PITPNC1: variants seen among roughly 807,000 people sequenced by gnomAD.
PITPNC1 encodes the protein cytoplasmic phosphatidylinositol transfer protein 1.
In PITPNC1, 18 loss-of-function variants were observed where a neutral mutation model predicts 44.7. The ratio of observed to expected loss-of-function variants is 0.40; its 90% CI spans 0.28 to 0.60. The LOEUF (loss-of-function observed/expected upper bound fraction) is 0.60, where lower values mean the gene tolerates loss of function less well. PITPNC1 is among the 20% of genes least tolerant of loss of function. The pLI is 0.39. For missense variants in PITPNC1, 290 were observed against 418.4 expected, an observed-to-expected ratio of 0.69 and a Z score of 2.68; for synonymous variants, 141 against 149.6, an observed-to-expected ratio of 0.94 and a Z score of 0.42.
At chr17:67,632,487 G>A (rs2041983076) in intron 6 of PITPNC1, 1 of 538,000 alleles carries the variant, frequency 1.9e-6, no homozygotes. Context: ...CATCATTTTT[G>A]GCAACGTCAG....
chr17:67,572,844 T>C (rs1159927088), intron 4 of PITPNC1, among the ~76,000 whole-genome samples: 2 of 150,964 alleles, frequency 1.3e-5, no homozygotes, highest in South Asian at 2.1e-4. Context: ...ATCCAATGAC[T>C]TTTGTCCTTG....
Position 67,378,192 on chromosome 17 carries a change from C to G in PITPNC1, c.38C>G (p.Thr13Ser). 1 of 1,543,776 alleles carries G rather than the reference C, an allele frequency of 6.5e-7. No individual in the cohort carries two copies. Among genetic ancestry groups the G allele is most frequent in the Non-Finnish European group, 8.7e-7 (1 of 1,149,284 alleles). ...GAGTACCGGATCTGCATGCCGCTCA[C>G]CGTAGACGAGGTAAGCGCCGCGCCC... ...LKEYRICMPL[T>S]VDEYKIGQLY... is the part of the protein sequence containing the mutation. The change falls in exon 1 of 9, where the codon ACC (threonine) becomes AGC (serine). Residue 13 changes from threonine to serine, a missense_variant. Coordinates refer to ENST00000581322, the MANE Select transcript of PITPNC1 (RefSeq NM_012417.4).
intron 1 of PITPNC1, among the ~76,000 whole-genome samples, chr17:67,387,708 C>T (rs977372479): frequency 6.6e-6 from 1 of 152,136 alleles, no homozygotes; most frequent in African/African-American, 2.4e-5. Context: ...AATATTCTCG[C>T]TATTTATATC....
intron 1 of PITPNC1, among the ~76,000 whole-genome samples, chr17:67,493,698 G>A (rs2039892276): frequency 6.6e-6 from 1 of 152,224 alleles, no homozygotes; most frequent in African/African-American, 2.4e-5. Flanking sequence ...GGGGAGGAAA[G>A]TGTGGTGATG....
rs1388666717 is a variant in PITPNC1, at chr17:67,442,993, C to T, written c.48+64791C>T. 4.6e-5 allele frequency among the ~76,000 whole-genome samples: 7 copies of T among 152,026 alleles called. No homozygotes were observed. The East Asian group carries it at 9.6e-4, about 21-fold the overall frequency. On this transcript the variant is annotated intron_variant, in intron 1 of 8. Coordinates refer to ENST00000581322, the MANE Select transcript of PITPNC1 (RefSeq NM_012417.4). ...CTCTGGTCTATTACAAAAGTCCCCG[C>T]GGGCTCTGACCTACACAGCTGCCAG...
At chr17:67,664,101 C>G (rs1380217535) in intron 6 of PITPNC1, among the ~76,000 whole-genome samples, 1 of 152,116 alleles carries the variant, frequency 6.6e-6, no homozygotes, top group Non-Finnish European at 1.5e-5. Context: ...GTACCTGGGA[C>G]TACAGGCAGA....
At chr17:67,518,673 A>G (rs1275050393) in intron 1 of PITPNC1, among the ~76,000 whole-genome samples, 2 of 152,206 alleles carry the variant, frequency 1.3e-5, no homozygotes, top group Non-Finnish European at 2.9e-5. Context: ...AAAAAGGAAA[A>G]TGATGGGCCA....
chr17:67,555,225 G>A (rs553023201), intron 4 of PITPNC1, among the ~76,000 whole-genome samples: 11 of 152,186 alleles, frequency 7.2e-5, no homozygotes, highest in African/African-American at 2.4e-4. Context: ...AGATGTTAGC[G>A]GAAGGATTCA....
intron 2 of PITPNC1, among the ~76,000 whole-genome samples, chr17:67,540,287 T>C (rs1337648350): frequency 6.6e-6 from 1 of 151,994 alleles, no homozygotes; most frequent in East Asian, 1.9e-4. Flanking sequence ...TATGTTTTAG[T>C]AGAGACGGTG....
At chr17:67,436,908 G>GGTT (rs1475981276) in intron 1 of PITPNC1, among the ~76,000 whole-genome samples, 2 of 68,456 alleles carry the variant, frequency 2.9e-5, no homozygotes, top group Admixed American at 1.8e-4. Context: ...AAATAGGGGT[G>GGTT]TTTTTTTTTT....
rs369624053 is a variant in PITPNC1, at chr17:67,428,839, C to CTTTTTTTTT, written c.48+50648_48+50656dup. ...TAACCATTTTTTTCTACTTGTCTTG[C>CTTTTTTTTT]TTTTTTTTTTTTTTTTTTTGAGACG... is the stretch of plus-strand genomic sequence containing the variant. On this transcript the variant is annotated intron_variant, in intron 1 of 8. Coordinates refer to ENST00000581322, the MANE Select transcript of PITPNC1 (RefSeq NM_012417.4). Among the ~76,000 whole-genome samples the CTTTTTTTTT allele has an allele frequency of 6.2e-5, 7 of 113,184 alleles. 1 individual carries two copies. Among genetic ancestry groups the CTTTTTTTTT allele is most frequent in the African/African-American group, 6.6e-5 (2 of 30,248 alleles). The allele number at this position is 113,184 out of a possible 152,430, so 74.3% of individuals were successfully genotyped here. A position where few individuals can be genotyped will look rare whatever the true frequency, so the allele number is the denominator to read the frequency against.
chr17:67,630,757 G>C (rs2041955319), intron 5 of PITPNC1, among the ~76,000 whole-genome samples: 1 of 151,234 alleles, frequency 6.6e-6, no homozygotes, highest in Admixed American at 6.6e-5. Context: ...TGTCACTCAG[G>C]CTGGAGTGCA....
chr17:67,617,007 C>T (rs1428852716), intron 5 of PITPNC1, among the ~76,000 whole-genome samples: 1 of 152,218 alleles, frequency 6.6e-6, no homozygotes, highest in African/African-American at 2.4e-5. Flanking sequence ...CCACCATCGG[C>T]CGGTCTGAAC....
intron 8 of PITPNC1, among the ~76,000 whole-genome samples, chr17:67,677,285 A>G (rs1157423449): frequency 1.3e-5 from 2 of 152,190 alleles, no homozygotes; most frequent in South Asian, 2.1e-4. Flanking sequence ...TTTGGCAAAA[A>G]GAGAGGTACC....
intron 1 of PITPNC1, among the ~76,000 whole-genome samples, chr17:67,391,401 G>C (rs2038137558): frequency 6.6e-6 from 1 of 152,054 alleles, no homozygotes; most frequent in African/African-American, 2.4e-5. Context: ...GATTATATTT[G>C]CTGTATTAAG....
intron 6 of PITPNC1, among the ~76,000 whole-genome samples, chr17:67,664,432 T>C (rs1207859204): frequency 6.6e-6 from 1 of 152,230 alleles, no homozygotes; most frequent in Non-Finnish European, 1.5e-5. Flanking sequence ...CTACAGTGTA[T>C]CAGCATTCCG....
chr17:67,544,721 G>T (rs1411645608), intron 2 of PITPNC1, among the ~76,000 whole-genome samples: 1 of 152,210 alleles, frequency 6.6e-6, no homozygotes. Flanking sequence ...TGATGGGCTT[G>T]CAAAGCTACC....
intron 1 of PITPNC1, among the ~76,000 whole-genome samples, chr17:67,463,482 AG>A (rs1246154415): frequency 2.6e-5 from 4 of 152,324 alleles, no homozygotes; most frequent in African/African-American, 7.2e-5. Flanking sequence ...TACTTCACAT[AG>A]TACATTGGAA....
At chr17:67,530,690 C>A (rs771200468) in intron 1 of PITPNC1, among the ~76,000 whole-genome samples, 2 of 152,124 alleles carry the variant, frequency 1.3e-5, no homozygotes, top group Non-Finnish European at 2.9e-5. Flanking sequence ...GAATAATATC[C>A]CATTGCATGT....
Sources: allele counts gnomAD v4.1 joint callset (sites outside exome capture counted in the v4.1 genomes callset), GRCh38; gene constraint gnomAD v4.1.1; transcripts MANE v1.5; gene names NCBI Gene and HGNC (gene_info 2026-07-23, HGNC 2026-07-21).